Variants in ACTR1A observed in about 807,000 individuals in gnomAD.
ACTR1A encodes the protein actin related protein 1A, also known as alpha-centractin.
Under a neutral mutation model 50.7 loss-of-function variants are expected in ACTR1A, and 10 were observed. That is an observed-to-expected ratio of 0.20 (90% CI 0.12 to 0.33). ACTR1A has a LOEUF of 0.33. Among genes scored for constraint, ACTR1A ranks in the 10% least tolerant of loss-of-function variants. ACTR1A has a pLI of 1.00. For synonymous variants in ACTR1A, 177 were observed against 184.2 expected, an observed-to-expected ratio of 0.96 and a Z score of 0.32; for missense variants, 253 against 491.7, an observed-to-expected ratio of 0.51 and a Z score of 4.59.
intron 4 of ACTR1A, 120 bp from the exon 5 acceptor site, chr10:102,485,853 C>G: frequency 2.1e-6 from 3 of 1,423,554 alleles, no homozygotes; most frequent in Non-Finnish European, 2.9e-6. Flanking sequence ...CAGCCTCACT[C>G]CAAAAAAAGG....
intron 1 of ACTR1A, 50 bp from the exon 2 acceptor site, chr10:102,490,663 A>G (rs916600830): frequency 1.3e-5 from 19 of 1,449,996 alleles, no homozygotes; most frequent in Non-Finnish European, 1.7e-5. Context: ...ACAAATACAA[A>G]AGGAAAAATA....
In ACTR1A at chr10:102,488,955, T is replaced by C. The variant is rs1349656427; in HGVS notation, c.189+108A>G. 2 of 744,360 alleles carry C rather than the reference T, an allele frequency of 2.7e-6. No individual in the cohort carries two copies. The highest frequency in any genetic ancestry group is 3.1e-5 in the East Asian group (1 of 32,078). The allele number at this position is 744,360 out of a possible 1,614,324, so 46.1% of individuals were successfully genotyped here. On this transcript the variant is annotated intron_variant, in intron 3 of 10. Transcript: ENST00000369905. The surrounding 1 kb of genome is among the most constrained non-coding windows in gnomAD (Gnocchi z 4.4). Reference sequence around the variant, plus strand: ...TCAAAAAGGAGATTTTCAGAGAAAGTTGCCCCTTTTACTTATGGGTATGTC... The same window carrying C: ...TCAAAAAGGAGATTTTCAGAGAAAGCTGCCCCTTTTACTTATGGGTATGTC...
At chr10:102,497,548 C>T (rs1156328206) in intron 1 of ACTR1A, among the ~76,000 whole-genome samples, 1 of 151,144 alleles carries the variant, frequency 6.6e-6, no homozygotes, top group Non-Finnish European at 1.5e-5. Flanking sequence ...GACTGCAGCA[C>T]TGCACTCTAA....
Position 102,479,814 on chromosome 10 carries a change from T to TA in ACTR1A, c.*1048dup. 1.9e-6 allele frequency: 1 copy of TA among 525,466 alleles called. No homozygotes were observed. Among genetic ancestry groups the TA allele is most frequent in the Non-Finnish European group, 3.0e-6 (1 of 336,172 alleles). The allele number at this position is 525,466 out of a possible 1,614,324, so 32.6% of individuals were successfully genotyped here. A position where few individuals can be genotyped will look rare whatever the true frequency, so the allele number is the denominator to read the frequency against. On this transcript the variant is annotated 3_prime_UTR_variant, in exon 11 of 11. Transcript: ENST00000369905. This position sits in a 1 kb window ranked among gnomAD's most constrained non-coding sequence, Gnocchi z 4.0. ...AGGGGCCTCTGCCAAAGAAAAATTTTACCTCCTGTTTCAGAAAATCTAACC... is the reference window on the plus strand; with the variant it reads ...AGGGGCCTCTGCCAAAGAAAAATTTTAACCTCCTGTTTCAGAAAATCTAACC...
intron 2 of ACTR1A, 79 bp downstream of exon 2, chr10:102,490,470 C>T (rs1180218845): frequency 7.7e-6 from 9 of 1,170,732 alleles, no homozygotes; most frequent in African/African-American, 4.6e-5. Flanking sequence ...ACTCCAAACT[C>T]GGCTCCTGTC....
chr10:102,484,916 G>C (rs1307666805), intron 5 of ACTR1A, among the ~76,000 whole-genome samples: 3 of 152,190 alleles, frequency 2.0e-5, no homozygotes, highest in Non-Finnish European at 2.9e-5. Flanking sequence ...GCTGTGGGGA[G>C]GGTGGGCTTG....
intron 5 of ACTR1A, among the ~76,000 whole-genome samples, chr10:102,485,061 T>C (rs769731881): frequency 6.6e-6 from 1 of 152,234 alleles, no homozygotes; most frequent in Non-Finnish European, 1.5e-5. Flanking sequence ...GGACACCTCT[T>C]GATTTTTAAA....
intron 1 of ACTR1A, among the ~76,000 whole-genome samples, chr10:102,495,567 TAA>T (rs996273029): frequency 4.7e-5 from 6 of 127,176 alleles, no homozygotes; most frequent in Non-Finnish European, 6.8e-5. Flanking sequence ...AGACTCCATC[TAA>T]AAAAAAAAAA....
At chr10:102,485,353 G>A (rs2062162034) in intron 5 of ACTR1A, among the ~76,000 whole-genome samples, 1 of 152,236 alleles carries the variant, frequency 6.6e-6, no homozygotes, top group East Asian at 1.9e-4. Flanking sequence ...CCCAGCCAAG[G>A]CCTTGGGGAC....
chr10:102,479,705 G>A lies in ACTR1A; in HGVS notation c.*1158C>T. On this transcript the variant is annotated 3_prime_UTR_variant, in exon 11 of 11. Transcript: ENST00000369905. This position sits in a 1 kb window ranked among gnomAD's most constrained non-coding sequence, Gnocchi z 4.0. ...CCTCTACAACCTAGTCCCCTGGTCA[G>A]CTACAGTGGCAAAAGGCAACTTGGT... is the stretch of plus-strand genomic sequence containing the variant. The A allele has an allele frequency of 3.1e-6, 4 of 1,286,536 alleles. No individual in the cohort carries two copies. The highest frequency in any genetic ancestry group is 4.1e-6 in the Non-Finnish European group (4 of 986,994). 79.7% of individuals were successfully genotyped at this position (1,286,536 alleles called of 1,614,324 possible).
chr10:102,484,100 G>T, intron 6 of ACTR1A, 60 bp downstream of exon 6: 1 of 1,555,370 alleles, frequency 6.4e-7, no homozygotes, highest in Non-Finnish European at 8.8e-7. Flanking sequence ...GGTCACCAAG[G>T]TCCTGGGTGC....
intron 1 of ACTR1A, among the ~76,000 whole-genome samples, chr10:102,493,107 A>G (rs1053407985): frequency 6.6e-6 from 1 of 151,944 alleles, no homozygotes. Context: ...CTTTGCCAAC[A>G]GAAGAGAGTG....
intron 1 of ACTR1A, among the ~76,000 whole-genome samples, chr10:102,502,189 G>A: frequency 6.6e-6 from 1 of 152,256 alleles, no homozygotes; most frequent in Non-Finnish European, 1.5e-5. Flanking sequence ...AATGGCAGGG[G>A]CGTGAGCCAA....
Position 102,482,050 on chromosome 10 carries a change from G to A in ACTR1A, c.876C>T (p.Arg292=), listed in dbSNP as rs758519036. 3 of 1,614,084 alleles carry A rather than the reference G, an allele frequency of 1.9e-6. No homozygotes were observed. The East Asian group carries it at 6.7e-5, about 36-fold the overall frequency. Residue 292 remains arginine (R), a synonymous_variant, in exon 8 of 11, where the codon CGC becomes CGT. Coordinates refer to ENST00000369905, the MANE Select transcript of ACTR1A (RefSeq NM_005736.4). This position sits in a 1 kb window ranked among gnomAD's most constrained non-coding sequence, Gnocchi z 5.6. ...AGAGGACAATGTTAGAGAAAAGCGT[G>A]CGCCGCAGGTCCATGTCTGACTTCT... ...AIQKSDMDLR[R]TLFSNIVLSG... is the part of the protein sequence containing the mutation.
intron 1 of ACTR1A, among the ~76,000 whole-genome samples, chr10:102,491,331 C>T (rs942471337): frequency 6.6e-6 from 1 of 152,176 alleles, no homozygotes; most frequent in Non-Finnish European, 1.5e-5. Flanking sequence ...TGCTTTTAAC[C>T]TACTTTCCCA....
rs536403071 is a variant in ACTR1A, at chr10:102,482,346, T to C, written c.751-171A>G. Reference sequence around the variant, plus strand: ...CTTAAAGGAACAAAGATAGGCCTCCTGGAAACTAGTGAGGGGAGGCTCCTA... The same window carrying C: ...CTTAAAGGAACAAAGATAGGCCTCCCGGAAACTAGTGAGGGGAGGCTCCTA... On this transcript the variant is annotated intron_variant, in intron 7 of 10. Transcript: ENST00000369905. This position sits in a 1 kb window ranked among gnomAD's most constrained non-coding sequence, Gnocchi z 5.6. 3.0e-3 allele frequency: 1,895 copies of C among 630,088 alleles called. 7 individuals carry two copies. The highest frequency in any genetic ancestry group is 3.5e-3 in the Non-Finnish European group (1,281 of 362,934). 39.0% of individuals were successfully genotyped at this position (630,088 alleles called of 1,614,324 possible).
intron 1 of ACTR1A, among the ~76,000 whole-genome samples, chr10:102,498,846 C>G (rs2062234414): frequency 6.6e-6 from 1 of 152,046 alleles, no homozygotes; most frequent in Admixed American, 6.6e-5. Context: ...AAAATGTGGC[C>G]TAGGAGCTGC....
chr10:102,492,873 C>T (rs961014908), intron 1 of ACTR1A, among the ~76,000 whole-genome samples: 1 of 151,980 alleles, frequency 6.6e-6, no homozygotes, highest in Admixed American at 6.5e-5. Context: ...GTGTGCTACA[C>T]GTCTGTAATC....
chr10:102,491,839 C>T (rs975313608), intron 1 of ACTR1A, among the ~76,000 whole-genome samples: 10 of 152,104 alleles, frequency 6.6e-5, no homozygotes, highest in African/African-American at 2.4e-4. Context: ...AATCTGGGCT[C>T]ACTGCAAGCT....
Sources: gnomAD v4.1 joint callset for allele counts (sites outside exome capture counted in the v4.1 genomes callset) on GRCh38, gnomAD v4.1.1 for gene constraint, Gnocchi (gnomAD v3.1) non-coding constraint, MANE v1.5 for transcripts, NCBI Gene and HGNC (gene_info 2026-07-23, HGNC 2026-07-21) for gene names.